Variants in GRID2 observed in about 807,000 individuals in gnomAD.
The protein encoded by GRID2 is glutamate receptor ionotropic, delta-2.
Under a neutral mutation model 114.8 loss-of-function variants are expected in GRID2, and 33 were observed. That is an observed-to-expected ratio of 0.29 (90% CI 0.22 to 0.38). The LOEUF (loss-of-function observed/expected upper bound fraction) is 0.38, where lower values mean the gene tolerates loss of function less well. Ranked by LOEUF, GRID2 falls within the 10% of genes least tolerant of loss-of-function variation. The pLI, the probability that GRID2 is intolerant of heterozygous loss-of-function variation, is 1.00. For synonymous variants in GRID2, 505 were observed against 449.9 expected (o/e 1.12, Z -1.55); for missense variants, 1,184 against 1,257.7 (o/e 0.94, Z 0.89).
chr4:93,215,264 G>T (rs1287336162), intron 5 of GRID2, among the ~76,000 whole-genome samples: 1 of 151,942 alleles, frequency 6.6e-6, no homozygotes, highest in Non-Finnish European at 1.5e-5. Context: ...CTTAGTTAAT[G>T]TTATGAGAAA....
At chr4:93,041,520 T>C (rs1725514646) in intron 2 of GRID2, among the ~76,000 whole-genome samples, 1 of 152,184 alleles carries the variant, frequency 6.6e-6, no homozygotes, top group African/African-American at 2.4e-5. Flanking sequence ...TAAACTCATA[T>C]GAGGGGAACT....
At chr4:93,516,526 C>T (rs548636429) in intron 13 of GRID2, among the ~76,000 whole-genome samples, 8 of 152,116 alleles carry the variant, frequency 5.3e-5, no homozygotes, top group African/African-American at 1.7e-4. Flanking sequence ...GCAATGGCCT[C>T]TATCCTCTTT....
chr4:93,109,593 G>C (rs1485680066), intron 3 of GRID2, among the ~76,000 whole-genome samples: 1 of 151,866 alleles, frequency 6.6e-6, no homozygotes, highest in Non-Finnish European at 1.5e-5. Flanking sequence ...TACTTGCAGG[G>C]AAGCACACAC....
chr4:93,303,888 A>G (rs1212333572), intron 8 of GRID2, among the ~76,000 whole-genome samples: 1 of 152,160 alleles, frequency 6.6e-6, no homozygotes, highest in Non-Finnish European at 1.5e-5. Flanking sequence ...TTACCATTTC[A>G]TAAAACAAAT....
intron 2 of GRID2, among the ~76,000 whole-genome samples, chr4:92,968,895 ACATT>A (rs1448839537): frequency 1.3e-5 from 2 of 151,800 alleles, no homozygotes; most frequent in Non-Finnish European, 2.9e-5. Flanking sequence ...ACAGACACAC[ACATT>A]CATTCTAATG....
chr4:92,496,369 A>T (rs1723390639), intron 1 of GRID2, among the ~76,000 whole-genome samples: 1 of 151,866 alleles, frequency 6.6e-6, no homozygotes, highest in South Asian at 2.1e-4. Flanking sequence ...AAAACAAAAC[A>T]GACAGCCATA....
intron 1 of GRID2, among the ~76,000 whole-genome samples, chr4:92,479,231 T>C (rs1239201987): frequency 1.3e-5 from 2 of 152,148 alleles, no homozygotes; most frequent in Non-Finnish European, 2.9e-5. Context: ...GTGCACGCTA[T>C]GGAAATAATT....
intron 2 of GRID2, among the ~76,000 whole-genome samples, chr4:92,892,052 GTTTTTT>G (rs889948503): frequency 6.9e-6 from 1 of 145,370 alleles, no homozygotes; most frequent in African/African-American, 2.5e-5. Context: ...GTAATAGCTG[GTTTTTT>G]TTTTTGTTTT....
intron 2 of GRID2, among the ~76,000 whole-genome samples, chr4:92,870,496 T>G (rs1161643862): frequency 2.0e-5 from 3 of 152,106 alleles, no homozygotes; most frequent in Non-Finnish European, 4.4e-5. Context: ...TGTATCACAT[T>G]GATCACTCCT....
intron 9 of GRID2, among the ~76,000 whole-genome samples, chr4:93,416,963 G>C (rs1025485878): frequency 6.6e-6 from 1 of 152,058 alleles, no homozygotes; most frequent in Non-Finnish European, 1.5e-5. Flanking sequence ...CTTGTGCTTA[G>C]AGCATCTGTC....
At chr4:92,903,538 G>T (rs1747736739) in intron 2 of GRID2, among the ~76,000 whole-genome samples, 1 of 151,848 alleles carries the variant, frequency 6.6e-6, no homozygotes, top group African/African-American at 2.4e-5. Context: ...AATTTCAAAT[G>T]GTTAAATGTC....
At chr4:92,887,984 T>G (rs959146625) in intron 2 of GRID2, among the ~76,000 whole-genome samples, 3 of 152,172 alleles carry the variant, frequency 2.0e-5, no homozygotes, top group Admixed American at 2.0e-4. Flanking sequence ...CAAAGAATAA[T>G]GCAGAGTAAA....
At chr4:93,475,366 T>C (rs1018500697) in intron 11 of GRID2, among the ~76,000 whole-genome samples, 4 of 152,156 alleles carry the variant, frequency 2.6e-5, no homozygotes, top group Non-Finnish European at 4.4e-5. Context: ...AAAGCTGATA[T>C]TGTTTTGTAA....
intron 4 of GRID2, among the ~76,000 whole-genome samples, chr4:93,131,875 T>C (rs999953013): frequency 2.0e-5 from 3 of 152,170 alleles, no homozygotes; most frequent in Admixed American, 1.3e-4. Context: ...ACTAGCACTA[T>C]AGAGCCGTTA....
At chr4:92,622,255 G>A (rs1323295195) in intron 2 of GRID2, among the ~76,000 whole-genome samples, 1 of 151,690 alleles carries the variant, frequency 6.6e-6, no homozygotes, top group African/African-American at 2.4e-5. Flanking sequence ...TATTAGGAAT[G>A]CCAATACTAA....
At chr4:93,042,122 C>T (rs184613151) in intron 2 of GRID2, among the ~76,000 whole-genome samples, 4 of 152,090 alleles carry the variant, frequency 2.6e-5, no homozygotes, top group African/African-American at 9.6e-5. Context: ...CCAGGATGGT[C>T]TCAATCTTCT....
At chr4:93,151,602 T>TGAA in intron 4 of GRID2, among the ~76,000 whole-genome samples, 1 of 152,142 alleles carries the variant, frequency 6.6e-6, no homozygotes, top group South Asian at 2.1e-4. Context: ...TTACAAACTA[T>TGAA]GAATAGAAGA....
intron 1 of GRID2, among the ~76,000 whole-genome samples, chr4:92,519,493 A>C (rs1357876003): frequency 1.3e-5 from 2 of 151,594 alleles, no homozygotes; most frequent in African/African-American, 2.4e-5. Context: ...CAGGCACATA[A>C]AGGCCATAGT....
In GRID2 at chr4:93,083,042, A is replaced by G. The variant is rs576234910; in HGVS notation, c.245-1953A>G. 2.4e-4 allele frequency among the ~76,000 whole-genome samples: 36 copies of G among 152,270 alleles called. No individual in the cohort carries two copies. In the South Asian group the frequency reaches 2.9e-3, roughly 12 times the overall value. On this transcript the variant is annotated intron_variant, in intron 2 of 15. Transcript: ENST00000282020. ...CCCAAATTTCAATGTTTATAACTGT[A>G]TAAATTTTGTGGTAGAAGTATGTAA...
Sources: allele counts gnomAD v4.1 joint callset (sites outside exome capture counted in the v4.1 genomes callset), GRCh38; gene constraint gnomAD v4.1.1; transcripts MANE v1.5; gene names NCBI Gene and HGNC (gene_info 2026-07-23, HGNC 2026-07-21).